Variants in MYO1H observed in about 807,000 individuals in gnomAD.
MYO1H encodes the protein unconventional myosin-Ih.
MYO1H carries 118 observed loss-of-function variants against 149.3 expected under a neutral mutation model. The ratio of observed to expected loss-of-function variants is 0.79; its 90% confidence interval spans 0.68 to 0.92. The LOEUF (loss-of-function observed/expected upper bound fraction) is 0.92, where lower values mean the gene tolerates loss of function less well. MYO1H is among the 40% of genes least tolerant of loss of function. The pLI is 0.00. For missense variants in MYO1H, 1,212 were observed against 1,280.7 expected, an observed-to-expected ratio of 0.95 and a Z score of 0.82; for synonymous variants, 447 against 465.2, an observed-to-expected ratio of 0.96 and a Z score of 0.50.
chr12:109,320,121 C>T, the MYO1H span, among the ~76,000 whole-genome samples: 68 of 151,740 alleles, frequency 4.5e-4, no homozygotes, highest in Middle Eastern at 3.4e-3. Context: ...TGAGACCAGC[C>T]TGGGCAACTG....
chr12:109,439,093 G>C (rs767389706), intron 23 of MYO1H, among the ~76,000 whole-genome samples: 1 of 151,790 alleles, frequency 6.6e-6, no homozygotes, highest in African/African-American at 2.4e-5. Flanking sequence ...TTTTTTGTTT[G>C]AGATGGAGTC....
At chr12:109,405,962 A>C (rs548674256) in exon 8 of MYO1H, 4 of 1,613,392 alleles carry the variant, frequency 2.5e-6, no homozygotes, top group Non-Finnish European at 3.4e-6. Flanking sequence ...CACCTGGGGA[A>C]CATTGGTTTT....
Position 109,357,746 on chromosome 12 carries a change from A to AT in MYO1H, c.12+9782dup, listed in dbSNP as rs1236115636. ...CATGCCATGAAATACTATTCTCTTG[A>AT]TTTTTTTTCTCCCAGCCATTTCTCA... On this transcript the variant is annotated intron_variant, in intron 1 of 31. Transcript: ENST00000310903. Among the ~76,000 whole-genome samples the AT allele has an allele frequency of 6.5e-5, 4 of 61,932 alleles. 1 individual carries two copies. The highest frequency in any genetic ancestry group is 1.1e-4 in the Non-Finnish European group (4 of 36,576). The allele number at this position is 61,932 out of a possible 152,430, so 40.6% of individuals were successfully genotyped here. A position where few individuals can be genotyped will look rare whatever the true frequency, so the allele number is the denominator to read the frequency against.
chr12:109,323,370 A>G, the MYO1H span, among the ~76,000 whole-genome samples: 1 of 152,252 alleles, frequency 6.6e-6, no homozygotes, highest in Non-Finnish European at 1.5e-5. Flanking sequence ...AATTAATTAA[A>G]ATAGCAAGTG....
At chr12:109,353,917 A>C (rs1021745772) in intron 1 of MYO1H, among the ~76,000 whole-genome samples, 6 of 152,110 alleles carry the variant, frequency 3.9e-5, no homozygotes, top group South Asian at 2.1e-4. Context: ...TCAGCCCCCA[A>C]ATTGCTGGGA....
chr12:109,395,022 G>A (rs960669581), intron 3 of MYO1H, among the ~76,000 whole-genome samples: 14 of 152,102 alleles, frequency 9.2e-5, no homozygotes, highest in Admixed American at 4.6e-4. Context: ...CTCAGCCTCC[G>A]AAAGTGCTGG....
the MYO1H span, among the ~76,000 whole-genome samples, chr12:109,330,285 CACAT>C: frequency 3.3e-5 from 5 of 150,492 alleles, no homozygotes; most frequent in South Asian, 8.5e-4. Flanking sequence ...TGTACACACA[CACAT>C]ACATATATAC....
chr12:109,348,777 T>C (rs73403714), intron 1 of MYO1H, among the ~76,000 whole-genome samples: 101 of 152,352 alleles, frequency 6.6e-4, no homozygotes, highest in African/African-American at 2.3e-3. Context: ...TAGAAAACAT[T>C]ATCTGCTGAA....
chr12:109,395,998 A>G (rs1592791396), intron 3 of MYO1H, among the ~76,000 whole-genome samples: 1 of 151,950 alleles, frequency 6.6e-6, no homozygotes, highest in East Asian at 1.9e-4. Flanking sequence ...GGCTCACTGC[A>G]ACTTCTGCCT....
chr12:109,418,499 G>A (rs1020214859), intron 15 of MYO1H, among the ~76,000 whole-genome samples: 10 of 151,506 alleles, frequency 6.6e-5, no homozygotes, highest in African/African-American at 2.2e-4. Flanking sequence ...ATAGATGTCC[G>A]CCACCACGCC....
intron 15 of MYO1H, 37 bp downstream of exon 15, chr12:109,415,657 G>A (rs4766471): frequency 0.25 from 369,532 of 1,468,498 alleles, 47,941 homozygotes; most frequent in East Asian, 0.34. Context: ...AGCCATGTAT[G>A]TGCCCAGCCT....
In MYO1H at chr12:109,376,965, A is replaced by C. The variant is rs189901525; in HGVS notation, c.13-11718A>C. Among the ~76,000 whole-genome samples the C allele has an allele frequency of 1.8e-3, 281 of 152,298 alleles. 1 individual carries two copies. Among genetic ancestry groups the C allele is most frequent in the African/African-American group, 6.2e-3 (257 of 41,576 alleles). ...CTTTTATTGTTCTTTAATTTCTTCTAATTGTTTTCCTTTAAAATGTATTGA... is the reference window on the plus strand; with the variant it reads ...CTTTTATTGTTCTTTAATTTCTTCTCATTGTTTTCCTTTAAAATGTATTGA... On this transcript the variant is annotated intron_variant, in intron 1 of 31. Transcript: ENST00000310903.
Position 109,440,732 on chromosome 12 carries a change from T to C in MYO1H, c.2455-12T>C, listed in dbSNP as rs1210671807. ...AGTGAGGCAAGTGGAAAGAAGTGTG[T>C]TCTCCACACAGGCATCAGATCTGCT... On this transcript the variant is annotated splice_polypyrimidine_tract_variant and intron_variant, in intron 24 of 31. Coordinates refer to ENST00000310903, the Ensembl canonical transcript of MYO1H. The C allele has an allele frequency of 6.4e-7, 1 of 1,554,612 alleles. No homozygotes were observed. The highest frequency in any genetic ancestry group is 8.7e-7 in the Non-Finnish European group (1 of 1,147,914).
chr12:109,313,271 C>T, the MYO1H span, among the ~76,000 whole-genome samples: 1 of 152,090 alleles, frequency 6.6e-6, no homozygotes, highest in African/African-American at 2.4e-5. Context: ...AAAAAAACCC[C>T]ACAAGTTCTC....
At chr12:109,419,060 G>A (rs1290553349) in intron 15 of MYO1H, among the ~76,000 whole-genome samples, 1 of 152,108 alleles carries the variant, frequency 6.6e-6, no homozygotes, top group African/African-American at 2.4e-5. Flanking sequence ...GCACAGAAAG[G>A]AACAAAAGGA....
intron 15 of MYO1H, among the ~76,000 whole-genome samples, chr12:109,418,696 C>CCA (rs10631374): frequency 6.6e-6 from 1 of 151,986 alleles, no homozygotes; most frequent in Non-Finnish European, 1.5e-5. Context: ...CTACAGGCAC[C>CCA]CCACGCCCGG....
upstream of MYO1H, among the ~76,000 whole-genome samples, chr12:109,347,134 G>T (rs896149263): frequency 1.3e-5 from 2 of 152,188 alleles, no homozygotes; most frequent in Non-Finnish European, 2.9e-5. Flanking sequence ...AATGAACCCA[G>T]CACTGAATCC....
chr12:109,374,498 A>C (rs1268338435), intron 1 of MYO1H, among the ~76,000 whole-genome samples: 1 of 152,216 alleles, frequency 6.6e-6, no homozygotes, highest in Non-Finnish European at 1.5e-5. Flanking sequence ...ACCACTGTGC[A>C]ATCATAATAG....
chr12:109,441,138 G>A (rs958231865), intron 25 of MYO1H, among the ~76,000 whole-genome samples: 2 of 152,162 alleles, frequency 1.3e-5, no homozygotes, highest in Non-Finnish European at 2.9e-5. Flanking sequence ...GCTAACCTGC[G>A]GGTCTTTTGT....
Sources: gnomAD v4.1 joint callset for allele counts (sites outside exome capture counted in the v4.1 genomes callset) on GRCh38, gnomAD v4.1.1 for gene constraint, MANE v1.5 for transcripts, NCBI Gene and HGNC (gene_info 2026-07-23, HGNC 2026-07-21) for gene names.